HNRNPC: variants seen among roughly 807,000 people sequenced by gnomAD.
HNRNPC encodes the protein heterogeneous nuclear ribonucleoprotein C.
HNRNPC carries 3 observed loss-of-function variants against 33.2 expected under a neutral mutation model. That is an observed-to-expected ratio of 0.09 (90% CI 0.04 to 0.23). The LOEUF is 0.23. Ranked by LOEUF, HNRNPC falls within the 10% of genes least tolerant of loss-of-function variation. The pLI is 1.00. For synonymous variants in HNRNPC, 121 were observed against 126.7 expected, an observed-to-expected ratio of 0.96 and a Z score of 0.30; for missense variants, 143 against 366.7, an observed-to-expected ratio of 0.39 and a Z score of 4.98.
At chr14:21,248,944 T>C (rs1896305517) in intron 2 of HNRNPC, among the ~76,000 whole-genome samples, 1 of 152,168 alleles carries the variant, frequency 6.6e-6, no homozygotes, top group Non-Finnish European at 1.5e-5. Context: ...ACAAATTATT[T>C]CAGTGCAGCA....
chr14:21,230,191 G>GT (rs944946014), intron 5 of HNRNPC, 128 bp downstream of exon 5: 2 of 558,156 alleles, frequency 3.6e-6, no homozygotes, highest in South Asian at 2.5e-5. Context: ...AGAAAAAGGT[G>GT]TTTTTTTGTT....
chr14:21,263,979 C>A (rs1878582923), intron 1 of HNRNPC: 1 of 152,186 alleles, frequency 6.6e-6, no homozygotes, highest in African/African-American at 2.4e-5. Flanking sequence ...CATAGAATCA[C>A]CTCTACCAGT....
chr14:21,243,039 T>C (rs376842051), intron 2 of HNRNPC, among the ~76,000 whole-genome samples: 1 of 152,060 alleles, frequency 6.6e-6, no homozygotes, highest in East Asian at 1.9e-4. Flanking sequence ...GCAGGAGAAT[T>C]GCTTGAACCC....
intron 2 of HNRNPC, among the ~76,000 whole-genome samples, chr14:21,237,744 G>A (rs547098770): frequency 9.9e-5 from 15 of 152,172 alleles, no homozygotes; most frequent in Admixed American, 2.6e-4. Context: ...CAATAGTTTA[G>A]ATAAGTAAAA....
At chr14:21,233,054 T>G (rs1165628366) in intron 3 of HNRNPC, among the ~76,000 whole-genome samples, 1 of 149,892 alleles carries the variant, frequency 6.7e-6, no homozygotes, top group African/African-American at 2.4e-5. Context: ...AAAAAAGGAC[T>G]GAATATATTG....
At chr14:21,218,487 GACT>G (rs2139508161) in intron 5 of HNRNPC, among the ~76,000 whole-genome samples, 1 of 150,286 alleles carries the variant, frequency 6.7e-6, no homozygotes, top group South Asian at 2.1e-4. Flanking sequence ...TGAGTTAAGA[GACT>G]AGCCTGGCCA....
intron 5 of HNRNPC, among the ~76,000 whole-genome samples, chr14:21,219,025 G>A (rs1023356772): frequency 2.7e-5 from 4 of 148,782 alleles, no homozygotes; most frequent in African/African-American, 5.0e-5. Flanking sequence ...CAGGAGAATC[G>A]CTTGAACCCA....
At chr14:21,221,101 C>T (rs901839396) in intron 5 of HNRNPC, among the ~76,000 whole-genome samples, 6 of 152,128 alleles carry the variant, frequency 3.9e-5, no homozygotes, top group African/African-American at 7.2e-5. Flanking sequence ...AAACAAAAAA[C>T]ATGCAAAAAA....
At chr14:21,219,114 A>C (rs1892548423) in intron 5 of HNRNPC, among the ~76,000 whole-genome samples, 1 of 150,482 alleles carries the variant, frequency 6.6e-6, no homozygotes, top group African/African-American at 2.4e-5. Flanking sequence ...TTCTCAAAAA[A>C]AAAAAAAAAA....
At chr14:21,232,333 C>CATTATAAATT (rs1894207753) in intron 3 of HNRNPC, among the ~76,000 whole-genome samples, 1 of 152,026 alleles carries the variant, frequency 6.6e-6, no homozygotes, top group African/African-American at 2.4e-5. Flanking sequence ...TATACAAATG[C>CATTATAAATT]CCCAAAATAT....
chr14:21,227,075 A>G (rs906918359), intron 5 of HNRNPC, among the ~76,000 whole-genome samples: 2 of 152,114 alleles, frequency 1.3e-5, no homozygotes, highest in African/African-American at 4.8e-5. Context: ...ATGACTTCTT[A>G]GAAGATATTA....
intron 2 of HNRNPC, among the ~76,000 whole-genome samples, chr14:21,252,055 A>G (rs1055718261): frequency 2.6e-5 from 4 of 152,240 alleles, no homozygotes; most frequent in South Asian, 2.1e-4. Flanking sequence ...GATTATATCT[A>G]AATTTGAGAA....
Position 21,211,252 on chromosome 14 carries a change from C to G in HNRNPC, c.853G>C (p.Asp285His). 6.2e-7 allele frequency: 1 copy of G among 1,614,108 alleles called. No individual in the cohort carries two copies. Among genetic ancestry groups the G allele is most frequent in the Non-Finnish European group, 8.5e-7 (1 of 1,180,006 alleles). Residue 285 changes from aspartate (D) to histidine (H), a missense_variant, in exon 9 of 9, where the codon GAC becomes CAC. Coordinates refer to ENST00000553300, the MANE Select transcript of HNRNPC (RefSeq NM_004500.4). ...KEAEEGEDDR[D>H]SANGEDDS ...GAGTCATCCTCGCCATTGGCGCTGT[C>G]TCTGTCATCCTCTCCTTCCTCAGCC...
At chr14:21,244,825 G>C (rs1463935422) in intron 2 of HNRNPC, among the ~76,000 whole-genome samples, 2 of 152,060 alleles carry the variant, frequency 1.3e-5, no homozygotes, top group African/African-American at 4.8e-5. Context: ...AACACTATAA[G>C]AAGTTCTAAC....
intron 3 of HNRNPC, among the ~76,000 whole-genome samples, chr14:21,232,750 C>T (rs2139647775): frequency 6.6e-6 from 1 of 152,288 alleles, no homozygotes; most frequent in East Asian, 1.9e-4. Flanking sequence ...TGAAAACTGA[C>T]TCAGGCCAGG....
At chr14:21,220,296 G>A (rs1892681958) in intron 5 of HNRNPC, among the ~76,000 whole-genome samples, 1 of 147,100 alleles carries the variant, frequency 6.8e-6, no homozygotes, top group Non-Finnish European at 1.5e-5. Flanking sequence ...GCAGTGCAAT[G>A]GGCACAATCT....
At chr14:21,239,492 C>A (rs1031833669) in intron 2 of HNRNPC, among the ~76,000 whole-genome samples, 6 of 151,624 alleles carry the variant, frequency 4.0e-5, no homozygotes, top group African/African-American at 1.5e-4. Context: ...AAAAAAATGT[C>A]CTCAACAAAT....
At chr14:21,264,282 A>G (rs1878631356) in intron 1 of HNRNPC, 2 of 152,192 alleles carry the variant, frequency 1.3e-5, no homozygotes, top group South Asian at 4.1e-4. Context: ...TACCATGAAG[A>G]TCTATACTAG....
chr14:21,264,568 G>T (rs572616417), intron 1 of HNRNPC: 1 of 152,068 alleles, frequency 6.6e-6, no homozygotes, highest in Non-Finnish European at 1.5e-5. Flanking sequence ...TAAAAATCTG[G>T]TACATAATAC....
Sources: gnomAD v4.1 joint callset for allele counts (sites outside exome capture counted in the v4.1 genomes callset) on GRCh38, gnomAD v4.1.1 for gene constraint, MANE v1.5 for transcripts, NCBI Gene and HGNC (gene_info 2026-07-23, HGNC 2026-07-21) for gene names.